Variants in NR2C2 observed in about 807,000 individuals in gnomAD.
NR2C2 encodes the protein Nuclear hormone receptor TR4.
Under a neutral mutation model 62.9 loss-of-function variants are expected in NR2C2, and 6 were observed. That is an observed-to-expected ratio of 0.10 (90% CI 0.05 to 0.19). The LOEUF is 0.19. Among genes scored for constraint, NR2C2 ranks in the 10% least tolerant of loss-of-function variants. The probability of loss-of-function intolerance (pLI) is 1.00; values close to 1 mark genes in which losing one functional copy is unlikely to be tolerated. For missense variants in NR2C2, 479 were observed against 762.7 expected, an observed-to-expected ratio of 0.63 and a Z score of 4.38; for synonymous variants, 272 against 273.8, an observed-to-expected ratio of 0.99 and a Z score of 0.07.
intron 9 of NR2C2, among the ~76,000 whole-genome samples, chr3:15,032,147 G>A (rs2041996720): frequency 6.6e-6 from 1 of 152,146 alleles, no homozygotes; most frequent in South Asian, 2.1e-4. Flanking sequence ...GGGGTGGGCT[G>A]GGAAGATCCC....
chr3:15,019,441 T>C (rs2041609191), intron 4 of NR2C2, among the ~76,000 whole-genome samples: 1 of 152,074 alleles, frequency 6.6e-6, no homozygotes, highest in South Asian at 2.1e-4. Flanking sequence ...GGAAATAAAA[T>C]CATTATGTTG....
intron 1 of NR2C2, among the ~76,000 whole-genome samples, chr3:14,987,964 G>A (rs893983891): frequency 2.0e-5 from 3 of 152,050 alleles, no homozygotes; most frequent in African/African-American, 4.8e-5. Flanking sequence ...TCTGTATCCC[G>A]GAAACATAGC....
chr3:14,955,756 T>G (rs1382075907), intron 1 of NR2C2, among the ~76,000 whole-genome samples: 2 of 152,200 alleles, frequency 1.3e-5, no homozygotes, highest in Non-Finnish European at 2.9e-5. Context: ...CTCTTACTGA[T>G]AGATATGAAG....
chr3:14,981,079 C>T (rs1455569258), intron 1 of NR2C2, among the ~76,000 whole-genome samples: 1 of 152,220 alleles, frequency 6.6e-6, no homozygotes, highest in Non-Finnish European at 1.5e-5. Context: ...GCAGAACTAA[C>T]TTTGCAACAG....
intron 2 of NR2C2, among the ~76,000 whole-genome samples, chr3:15,012,530 T>G (rs2041385133): frequency 7.3e-6 from 1 of 137,302 alleles, no homozygotes. Context: ...CCGGCTGGAG[T>G]TCCATTTCAA....
chr3:15,039,975 C>A (rs1431171759), intron 13 of NR2C2, among the ~76,000 whole-genome samples: 1 of 151,594 alleles, frequency 6.6e-6, no homozygotes, highest in Non-Finnish European at 1.5e-5. Context: ...ATGGTGAAAC[C>A]CCGTCTCTAC....
At chr3:14,970,257 T>G (rs951092111) in intron 1 of NR2C2, among the ~76,000 whole-genome samples, 1 of 39,378 alleles carries the variant, frequency 2.5e-5, no homozygotes, top group African/African-American at 1.1e-4. Flanking sequence ...CTGTCTTTTT[T>G]GGGGGCCGGG....
intron 13 of NR2C2, among the ~76,000 whole-genome samples, chr3:15,040,681 G>A (rs1055770653): frequency 2.0e-5 from 3 of 152,200 alleles, no homozygotes; most frequent in Admixed American, 6.5e-5. Flanking sequence ...TCCTTTTGGC[G>A]CACTTCTGTT....
chr3:14,949,788 C>G (rs944122731), intron 1 of NR2C2, among the ~76,000 whole-genome samples: 1 of 151,800 alleles, frequency 6.6e-6, no homozygotes, highest in Non-Finnish European at 1.5e-5. Flanking sequence ...TTTTTTGAGA[C>G]CAAGGTCTCA....
intron 11 of NR2C2, among the ~76,000 whole-genome samples, 161 bp downstream of exon 11, chr3:15,034,970 T>C (rs1173448481): frequency 3.9e-5 from 6 of 152,182 alleles, no homozygotes; most frequent in African/African-American, 1.4e-4. Flanking sequence ...ACAGCATCCA[T>C]AGGCTGAGAG....
intron 1 of NR2C2, among the ~76,000 whole-genome samples, chr3:14,949,528 TAAG>T (rs112638347): frequency 3.3e-5 from 5 of 152,192 alleles, no homozygotes; most frequent in African/African-American, 9.7e-5. Context: ...TTCAATGTAA[TAAG>T]AAAGTCGAGG....
intron 2 of NR2C2, among the ~76,000 whole-genome samples, chr3:15,009,719 A>G (rs976538849): frequency 1.2e-4 from 19 of 152,234 alleles, no homozygotes; most frequent in African/African-American, 4.1e-4. Context: ...GTCACAATAA[A>G]TTACCACAAA....
At position 15,043,999 on chromosome 3, in the gene NR2C2, TTGTG is replaced by T. The variant is rs2042362632; in HGVS notation, c.*995_*998del. 6.6e-6 allele frequency: 1 copy of T among 152,192 alleles called. No homozygotes were observed. Among genetic ancestry groups the T allele is most frequent in the Non-Finnish European group, 1.5e-5 (1 of 68,048 alleles). The allele number at this position is 152,192 out of a possible 1,614,324, so 9.4% of individuals were successfully genotyped here. On this transcript the variant is annotated 3_prime_UTR_variant, in exon 14 of 14. Transcript: ENST00000425241. ...GTACTTCCAATACAATTGGGGGTGC[TTGTG>T]TGTTTGTCCAGATGGAGGAGTGTGG...
intron 1 of NR2C2, among the ~76,000 whole-genome samples, chr3:14,964,654 A>G (rs1574933883): frequency 6.6e-6 from 1 of 150,948 alleles, no homozygotes; most frequent in East Asian, 1.9e-4. Flanking sequence ...AGCTGGGACT[A>G]CAGGCGCCCG....
intron 1 of NR2C2, among the ~76,000 whole-genome samples, chr3:14,999,619 T>C (rs2040931471): frequency 6.6e-6 from 1 of 152,246 alleles, no homozygotes; most frequent in African/African-American, 2.4e-5. Flanking sequence ...CTGTGTTTTC[T>C]GAGAGTTTTA....
chr3:15,008,152 T>C (rs937241849), intron 2 of NR2C2, among the ~76,000 whole-genome samples: 1 of 152,160 alleles, frequency 6.6e-6, no homozygotes, highest in African/African-American at 2.4e-5. Flanking sequence ...AAGAGAACTA[T>C]AAATTTGATT....
chr3:15,002,281 A>G (rs1208412042), intron 1 of NR2C2, among the ~76,000 whole-genome samples: 1 of 152,114 alleles, frequency 6.6e-6, no homozygotes, highest in Non-Finnish European at 1.5e-5. Flanking sequence ...TGTTTTTTTC[A>G]TGAAATGTTG....
intron 9 of NR2C2, 115 bp from the exon 10 acceptor site, chr3:15,032,264 A>T: frequency 2.1e-6 from 3 of 1,438,684 alleles, no homozygotes; most frequent in Non-Finnish European, 2.9e-6. Flanking sequence ...CTTCAGAATC[A>T]GACAGCAACT....
intron 2 of NR2C2, among the ~76,000 whole-genome samples, chr3:15,005,196 C>A (rs761404909): frequency 6.0e-5 from 9 of 150,728 alleles, no homozygotes; most frequent in Non-Finnish European, 1.2e-4. Context: ...GACATTTTTT[C>A]TTTTTTTTGA....
Sources: allele counts gnomAD v4.1 joint callset (sites outside exome capture counted in the v4.1 genomes callset), GRCh38; gene constraint gnomAD v4.1.1; transcripts MANE v1.5; gene names NCBI Gene and HGNC (gene_info 2026-07-23, HGNC 2026-07-21).